PTAR1: variants seen among roughly 807,000 people sequenced by gnomAD.
PTAR1 encodes the protein protein prenyltransferase alpha subunit repeat-containing protein 1.
A neutral mutation model predicts 45.5 loss-of-function variants in PTAR1; 17 were observed. The ratio of observed to expected loss-of-function variants is 0.37; its 90% CI spans 0.26 to 0.56. PTAR1 has a LOEUF of 0.56. Ranked by LOEUF, PTAR1 falls within the 20% of genes least tolerant of loss-of-function variation. The pLI is 0.77. For synonymous variants in PTAR1, 169 were observed against 171.3 expected, an observed-to-expected ratio of 0.99 and a Z score of 0.11; for missense variants, 391 against 476.3, an observed-to-expected ratio of 0.82 and a Z score of 1.67.
chr9:69,752,749 G>A (rs893548188), intron 1 of PTAR1, among the ~76,000 whole-genome samples: 1 of 152,000 alleles, frequency 6.6e-6, no homozygotes, highest in South Asian at 2.1e-4. Context: ...ACAAAGTCCT[G>A]TAGGAAGAAT....
At chr9:69,750,577 G>T (rs752106504) in intron 2 of PTAR1, among the ~76,000 whole-genome samples, 1 of 150,618 alleles carries the variant, frequency 6.6e-6, no homozygotes, top group Non-Finnish European at 1.5e-5. Flanking sequence ...CTGCTTGAGG[G>T]CTTCTATATA....
intron 6 of PTAR1, among the ~76,000 whole-genome samples, chr9:69,718,890 C>T (rs1030810589): frequency 1.6e-4 from 25 of 152,270 alleles, no homozygotes; most frequent in Non-Finnish European, 4.4e-5. Flanking sequence ...CTCCAGCTTA[C>T]AGGTTTGTTT....
At chr9:69,754,532 CTTTTTTTT>C (rs60025062) in intron 1 of PTAR1, among the ~76,000 whole-genome samples, 132 of 76,266 alleles carry the variant, frequency 1.7e-3, no homozygotes, top group Admixed American at 3.4e-3. Context: ...GGGTATATAT[CTTTTTTTT>C]TTTTTTTTTT....
chr9:69,718,415 G>A lies in PTAR1; in HGVS notation c.1136C>T (p.Ser379Phe). The change falls in exon 8 of 8, where the codon TCC becomes TTC. Residue 379 changes from serine to phenylalanine, a missense_variant. Ser to Phe is a radical substitution (Grantham distance 155). Coordinates refer to ENST00000340434, the MANE Select transcript of PTAR1 (RefSeq NM_001099666.2). ...MEHRFIDQVL[S>F]TCRNVEQARF... ...GGCTTGCTCCACGTTCCGACAGGTG[G>A]ACAATACTTGATCAATGAACCTGTG... The A allele has an allele frequency of 6.2e-7, 1 of 1,613,584 alleles. No individual in the cohort carries two copies. Among genetic ancestry groups the A allele is most frequent in the East Asian group, 2.2e-5 (1 of 44,858 alleles).
At chr9:69,732,061 C>T in intron 5 of PTAR1, 78 bp downstream of exon 5, 2 of 1,007,208 alleles carry the variant, frequency 2.0e-6, no homozygotes, top group South Asian at 1.5e-5. Context: ...TCCTTCAAAG[C>T]TCTTCTGAGA....
intron 2 of PTAR1, among the ~76,000 whole-genome samples, chr9:69,746,024 C>T (rs566822208): frequency 3.7e-4 from 57 of 152,312 alleles, no homozygotes; most frequent in African/African-American, 1.3e-3. Context: ...TGACCACCAT[C>T]GGTGGTACCT....
chr9:69,718,699 G>C lies in PTAR1; in HGVS notation c.948-15C>G, dbSNP rs760989129. On this transcript the variant is annotated splice_polypyrimidine_tract_variant and intron_variant, in intron 6 of 7. Transcript: ENST00000340434. ...AAATATGCCGCCTGCGATAGAGAGG[G>C]GAAGGAAGAGAATAAAGAAAATCAC... is the stretch of plus-strand genomic sequence containing the variant. 2.6e-6 allele frequency: 4 copies of C among 1,517,092 alleles called. No individual in the cohort carries two copies. In the South Asian group the frequency reaches 3.9e-5, roughly 15 times the overall value. 94.0% of individuals were successfully genotyped at this position (1,517,092 alleles called of 1,614,324 possible).
chr9:69,759,124 T>C (rs1052469300), intron 1 of PTAR1, among the ~76,000 whole-genome samples: 1 of 152,186 alleles, frequency 6.6e-6, no homozygotes, highest in African/African-American at 2.4e-5. Flanking sequence ...AAGAGATACA[T>C]ATGTCAGTTC....
chr9:69,721,942 T>G (rs963059447), intron 6 of PTAR1, among the ~76,000 whole-genome samples: 1 of 152,190 alleles, frequency 6.6e-6, no homozygotes, highest in Non-Finnish European at 1.5e-5. Flanking sequence ...TTCACTTTAT[T>G]GCAGTGGTCT....
chr9:69,758,539 A>T, intron 1 of PTAR1: 2 of 180,622 alleles, frequency 1.1e-5, no homozygotes, highest in South Asian at 2.0e-4. Flanking sequence ...ATTTTGAAAA[A>T]GGCAGCAGTC....
chr9:69,721,159 G>A (rs554749839), intron 6 of PTAR1, among the ~76,000 whole-genome samples: 2 of 152,170 alleles, frequency 1.3e-5, no homozygotes, highest in Non-Finnish European at 1.5e-5. Flanking sequence ...CATTAAGAAC[G>A]TTTGTGATTC....
At chr9:69,755,691 G>C (rs999848323) in intron 1 of PTAR1, among the ~76,000 whole-genome samples, 8 of 152,146 alleles carry the variant, frequency 5.3e-5, no homozygotes, top group African/African-American at 1.9e-4. Context: ...AAAAAGGAAA[G>C]CTAGTAAAAT....
In PTAR1 at chr9:69,714,441, T is replaced by G. The variant is rs1428740078; in HGVS notation, c.*3901A>C. ...AGATTGTTGTACAGTAGGTGGTATC[T>G]GCCATCTTGTGCTATGTAAGAGAAA... On this transcript the variant is annotated 3_prime_UTR_variant, in exon 8 of 8. Coordinates refer to ENST00000340434, the MANE Select transcript of PTAR1 (RefSeq NM_001099666.2). The G allele has an allele frequency of 6.6e-6, 1 of 152,068 alleles. No individual in the cohort carries two copies. The allele number at this position is 152,068 out of a possible 1,614,324, so 9.4% of individuals were successfully genotyped here. A position where few individuals can be genotyped will look rare whatever the true frequency, so the allele number is the denominator to read the frequency against.
At position 69,740,198 on chromosome 9, in the gene PTAR1, T is replaced by C. The variant is rs555578099; in HGVS notation, c.323+1594A>G. ...ACATGTGTGTATACATATATGTATA[T>C]AGGTGTGTGTGTGTATGTATGTATG... On this transcript the variant is annotated intron_variant, in intron 3 of 7. Coordinates refer to ENST00000340434, the MANE Select transcript of PTAR1 (RefSeq NM_001099666.2). Among the ~76,000 whole-genome samples, 20 of 152,150 alleles carry C rather than the reference T, an allele frequency of 1.3e-4. No homozygotes were observed. The South Asian group carries it at 3.7e-3, about 28-fold the overall frequency.
intron 5 of PTAR1, among the ~76,000 whole-genome samples, chr9:69,728,832 A>T (rs1825401082): frequency 6.6e-6 from 1 of 152,210 alleles, no homozygotes. Flanking sequence ...TACTACTTTT[A>T]ATCAATCTTT....
chr9:69,748,501 TG>T (rs1826377902), intron 2 of PTAR1, among the ~76,000 whole-genome samples: 1 of 152,126 alleles, frequency 6.6e-6, no homozygotes, highest in Non-Finnish European at 1.5e-5. Flanking sequence ...GAATTCAGTT[TG>T]GTTAGGAAGA....
intron 1 of PTAR1, among the ~76,000 whole-genome samples, chr9:69,754,423 T>C (rs966229161): frequency 2.0e-5 from 3 of 151,460 alleles, no homozygotes; most frequent in East Asian, 1.9e-4. Flanking sequence ...AAGTTCTAAT[T>C]CCATACTAAA....
intron 3 of PTAR1, among the ~76,000 whole-genome samples, chr9:69,740,971 G>C (rs1394563527): frequency 2.6e-5 from 4 of 152,098 alleles, no homozygotes; most frequent in African/African-American, 9.7e-5. Context: ...AATATGATGT[G>C]CAGTTTATCA....
chr9:69,718,216 T>G lies in PTAR1; in HGVS notation c.*126A>C. The G allele has an allele frequency of 1.6e-6, 1 of 615,102 alleles. No individual in the cohort carries two copies. The highest frequency in any genetic ancestry group is 2.7e-6 in the Non-Finnish European group (1 of 368,116). The allele number at this position is 615,102 out of a possible 1,614,324, so 38.1% of individuals were successfully genotyped here. A position where few individuals can be genotyped will look rare whatever the true frequency, so the allele number is the denominator to read the frequency against. On this transcript the variant is annotated 3_prime_UTR_variant, in exon 8 of 8. Transcript: ENST00000340434. ...ATAAAATGAAAGATTTACTATGGACTTTCAACCTAAAGACGAAGAACATAT... is the reference window on the plus strand; with the variant it reads ...ATAAAATGAAAGATTTACTATGGACGTTCAACCTAAAGACGAAGAACATAT...
Sources: gnomAD v4.1 joint callset for allele counts (sites outside exome capture counted in the v4.1 genomes callset) on GRCh38, gnomAD v4.1.1 for gene constraint, MANE v1.5 for transcripts, NCBI Gene and HGNC (gene_info 2026-07-23, HGNC 2026-07-21) for gene names.